Variants in DENND5A observed in about 807,000 individuals in gnomAD.
DENND5A encodes the protein DENN domain-containing protein 5A.
In DENND5A, 64 loss-of-function variants were observed where a neutral mutation model predicts 140.3. That is an observed-to-expected ratio of 0.46 (90% confidence interval 0.37 to 0.56). The LOEUF (loss-of-function observed/expected upper bound fraction) is 0.56. Among genes scored for constraint, DENND5A ranks in the 20% least tolerant of loss-of-function variants. DENND5A has a pLI of 0.00. For synonymous variants in DENND5A, 605 were observed against 607.7 expected (o/e 1.00, Z 0.07); for missense variants, 1,292 against 1,593.8 (o/e 0.81, Z 3.22).
At chr11:9,188,281 T>C (rs991354335) in intron 5 of DENND5A, among the ~76,000 whole-genome samples, 2 of 152,222 alleles carry the variant, frequency 1.3e-5, no homozygotes, top group African/African-American at 4.8e-5. Context: ...CCTTCCACCA[T>C]GATTGTGAGG....
chr11:9,184,557 T>G (rs1848843403), intron 5 of DENND5A, among the ~76,000 whole-genome samples: 1 of 152,180 alleles, frequency 6.6e-6, no homozygotes, highest in Non-Finnish European at 1.5e-5. Context: ...CAATTTACAT[T>G]TTTAACCAGC....
rs1233503862 is a variant in DENND5A, at chr11:9,160,957, G to C, written c.2284-92C>G. On this transcript the variant is annotated intron_variant, in intron 11 of 22. Coordinates refer to ENST00000328194, the MANE Select transcript of DENND5A (RefSeq NM_015213.4). ...TTCTGACAGCCTGCACAGTACATCT[G>C]TTGGGCTGGGAAGGACAGGATGAAT... The C allele has an allele frequency of 2.0e-4, 253 of 1,277,064 alleles. 1 individual carries two copies. Among genetic ancestry groups the C allele is most frequent in the Non-Finnish European group, 6.6e-6 (6 of 903,144 alleles). 79.1% of individuals were successfully genotyped at this position (1,277,064 alleles called of 1,614,324 possible). A position where few individuals can be genotyped will look rare whatever the true frequency, so the allele number is the denominator to read the frequency against.
chr11:9,171,983 C>T (rs1343172253), intron 8 of DENND5A: 1 of 152,028 alleles, frequency 6.6e-6, no homozygotes, highest in East Asian at 1.9e-4. Flanking sequence ...GCACACTCAA[C>T]AATGCAGGAG....
chr11:9,197,313 T>A (rs11042221), intron 4 of DENND5A, among the ~76,000 whole-genome samples: 35,864 of 145,626 alleles, frequency 0.25, 4,504 homozygotes, highest in East Asian at 0.39. Context: ...TCAAAAAAAA[T>A]ATATATATAT....
chr11:9,208,693 T>G (rs1322692385), intron 1 of DENND5A, among the ~76,000 whole-genome samples: 1 of 152,252 alleles, frequency 6.6e-6, no homozygotes, highest in Non-Finnish European at 1.5e-5. Context: ...GGACCCAACC[T>G]TCTTTCTGTT....
chr11:9,180,333 G>C (rs1246237514), intron 6 of DENND5A, among the ~76,000 whole-genome samples: 1 of 152,078 alleles, frequency 6.6e-6, no homozygotes, highest in Non-Finnish European at 1.5e-5. Flanking sequence ...TGCACCTGTG[G>C]TCCCAGCTAC....
At chr11:9,253,380 T>C (rs534646252) in intron 1 of DENND5A, among the ~76,000 whole-genome samples, 8 of 152,216 alleles carry the variant, frequency 5.3e-5, no homozygotes, top group East Asian at 3.9e-4. Context: ...ATGAAGAAAA[T>C]TGCAGGGCCC....
chr11:9,175,933 A>T (rs1848533180), intron 8 of DENND5A, among the ~76,000 whole-genome samples: 1 of 152,224 alleles, frequency 6.6e-6, no homozygotes, highest in Non-Finnish European at 1.5e-5. Context: ...ATACAATAAA[A>T]GTATAATCCA....
chr11:9,234,622 A>G (rs1180296027), intron 1 of DENND5A, among the ~76,000 whole-genome samples: 4 of 152,230 alleles, frequency 2.6e-5, no homozygotes, highest in Non-Finnish European at 5.9e-5. Context: ...GCTAAAGGTT[A>G]CGGGTTTACC....
chr11:9,201,378 A>T (rs1007796102), intron 4 of DENND5A, among the ~76,000 whole-genome samples: 56 of 124,008 alleles, frequency 4.5e-4, no homozygotes, highest in African/African-American at 2.1e-3. Context: ...CTATTTCTTT[A>T]AAAAAAAAAA....
intron 1 of DENND5A, among the ~76,000 whole-genome samples, chr11:9,251,375 T>C (rs960642067): frequency 1.3e-5 from 2 of 152,136 alleles, no homozygotes; most frequent in Non-Finnish European, 2.9e-5. Context: ...AAAAAATTAC[T>C]AACCTGGTTC....
At chr11:9,177,452 G>T (rs1007313851) in intron 8 of DENND5A, among the ~76,000 whole-genome samples, 1 of 150,824 alleles carries the variant, frequency 6.6e-6, no homozygotes, top group African/African-American at 2.4e-5. Context: ...AAAAATTGAA[G>T]ACCAGACGGA....
chr11:9,173,323 A>G (rs1848435781), intron 8 of DENND5A, among the ~76,000 whole-genome samples: 1 of 152,232 alleles, frequency 6.6e-6, no homozygotes, highest in Non-Finnish European at 1.5e-5. Flanking sequence ...CAGAAAAGAA[A>G]GAAGAGCACC....
intron 1 of DENND5A, among the ~76,000 whole-genome samples, chr11:9,235,162 C>T (rs1386837863): frequency 6.6e-6 from 1 of 152,116 alleles, no homozygotes; most frequent in Admixed American, 6.6e-5. Flanking sequence ...GGTGTTCAGA[C>T]AGAAACTTGT....
At chr11:9,173,876 G>A (rs971857666) in intron 8 of DENND5A, among the ~76,000 whole-genome samples, 12 of 151,916 alleles carry the variant, frequency 7.9e-5, no homozygotes, top group African/African-American at 2.2e-4. Context: ...AGGCCGAGGC[G>A]GGCGGATCAC....
chr11:9,174,677 G>A (rs1302975710), intron 8 of DENND5A, among the ~76,000 whole-genome samples: 6 of 151,832 alleles, frequency 4.0e-5, no homozygotes, highest in African/African-American at 1.2e-4. Flanking sequence ...TCTAGCCTGA[G>A]CAACAGAGCG....
chr11:9,194,468 C>T (rs1441720385), intron 4 of DENND5A, among the ~76,000 whole-genome samples: 1 of 151,506 alleles, frequency 6.6e-6, no homozygotes, highest in Non-Finnish European at 1.5e-5. Context: ...ACTTGGGAGG[C>T]TGAGACGTAA....
At chr11:9,263,909 T>C (rs1193177690) in intron 1 of DENND5A, among the ~76,000 whole-genome samples, 1 of 149,010 alleles carries the variant, frequency 6.7e-6, no homozygotes, top group African/African-American at 2.5e-5. Context: ...AAAACAAAAC[T>C]GTCTTGTCAT....
chr11:9,254,185 G>A (rs1564943987), intron 1 of DENND5A, among the ~76,000 whole-genome samples: 1 of 148,872 alleles, frequency 6.7e-6, no homozygotes, highest in Non-Finnish European at 1.5e-5. Context: ...AAAAAGCCAG[G>A]TGTGGTGGCA....
Sources: allele counts gnomAD v4.1 joint callset (sites outside exome capture counted in the v4.1 genomes callset), GRCh38; gene constraint gnomAD v4.1.1; transcripts MANE v1.5; gene names NCBI Gene and HGNC (gene_info 2026-07-23, HGNC 2026-07-21).